Variants in KHDC1 observed in about 807,000 individuals in gnomAD.
KHDC1 encodes KH domain containing 1.
In KHDC1, 21 loss-of-function variants were observed where a neutral mutation model predicts 24.7. The observed-to-expected ratio is 0.85, with a 90% CI of 0.60 to 1.23. The LOEUF is 1.23. Ranked by LOEUF, KHDC1 falls within the 50% of genes most tolerant of loss-of-function variation. The pLI, the probability that KHDC1 is intolerant of heterozygous loss-of-function variation, is 0.00. For missense variants in KHDC1, 274 were observed against 298.5 expected (o/e 0.92, Z 0.61); for synonymous variants, 98 against 111.7 (o/e 0.88, Z 0.77).
intron 1 of KHDC1, among the ~76,000 whole-genome samples, chr6:73,295,330 G>A (rs471938): frequency 6.6e-6 from 1 of 152,056 alleles, no homozygotes; most frequent in African/African-American, 2.4e-5. Flanking sequence ...CTGCAGACTC[G>A]AGAGCCAATT....
chr6:73,292,177 G>C (rs1450343305), intron 1 of KHDC1: 3 of 1,519,338 alleles, frequency 2.0e-6, no homozygotes, highest in Non-Finnish European at 2.7e-6. Flanking sequence ...CTTTGAAAGA[G>C]AATAGAACCA....
chr6:73,281,617 CAAAA>C (rs58163019), intron 2 of KHDC1, among the ~76,000 whole-genome samples: 21,723 of 93,632 alleles, frequency 0.23, 2,221 homozygotes, highest in East Asian at 0.39. Context: ...AACTTCGTCT[CAAAA>C]AAAAAAAAAA....
At chr6:73,294,629 T>G (rs1301358304) in intron 1 of KHDC1, among the ~76,000 whole-genome samples, 1 of 152,212 alleles carries the variant, frequency 6.6e-6, no homozygotes, top group African/African-American at 2.4e-5. Context: ...CCTAGCAACA[T>G]GCCACTCATC....
chr6:73,293,561 C>G (rs575254759), intron 1 of KHDC1, among the ~76,000 whole-genome samples: 1 of 152,296 alleles, frequency 6.6e-6, no homozygotes, highest in South Asian at 2.1e-4. Context: ...AGGCAGATCT[C>G]TTGAGGCCAG....
intron 1 of KHDC1, among the ~76,000 whole-genome samples, chr6:73,306,909 T>C (rs1158705276): frequency 6.6e-6 from 1 of 152,048 alleles, no homozygotes; most frequent in Admixed American, 6.6e-5. Context: ...CTCAGGAGAC[T>C]GAGGCAGGAG....
In KHDC1 at chr6:73,296,127, G is replaced by T. The variant is rs1028184223; in HGVS notation, c.164-4087C>A. 4.0e-5 allele frequency among the ~76,000 whole-genome samples: 6 copies of T among 151,782 alleles called. No homozygotes were observed. The East Asian group carries it at 1.2e-3, about 29-fold the overall frequency. On this transcript the variant is annotated intron_variant, in intron 1 of 4. Transcript: ENST00000370384. ...ACTGCACTCCAGCCTGGGTGATAGA[G>T]TGAGACTGCATTTCAAAAAACTAAA...
chr6:73,242,485 C>T, exon 3 of KHDC1: 1 of 1,614,190 alleles, frequency 6.2e-7, no homozygotes, highest in Non-Finnish European at 8.5e-7. Flanking sequence ...TCCACCACGG[C>T]TTCTTGCTGA....
chr6:73,246,975 T>C (rs1240822007), intron 2 of KHDC1, among the ~76,000 whole-genome samples: 5 of 150,938 alleles, frequency 3.3e-5, no homozygotes, highest in Non-Finnish European at 7.4e-5. Context: ...TAAGTCAACT[T>C]TTTTTTTTCT....
chr6:73,244,198 A>G (rs1304249070), intron 2 of KHDC1, among the ~76,000 whole-genome samples: 1 of 152,238 alleles, frequency 6.6e-6, no homozygotes, highest in Non-Finnish European at 1.5e-5. Flanking sequence ...ATAAGTTTGT[A>G]TAATGATCAG....
intron 2 of KHDC1, among the ~76,000 whole-genome samples, chr6:73,284,892 T>G (rs537445811): frequency 6.6e-6 from 1 of 152,300 alleles, no homozygotes; most frequent in East Asian, 1.9e-4. Flanking sequence ...TCACCCAGGC[T>G]GGAATGCAGT....
chr6:73,282,404 G>C (rs1332165593), intron 2 of KHDC1, among the ~76,000 whole-genome samples: 1 of 152,004 alleles, frequency 6.6e-6, no homozygotes, highest in African/African-American at 2.4e-5. Flanking sequence ...ACTCCATCTT[G>C]CTTCTAACCT....
intron 2 of KHDC1, among the ~76,000 whole-genome samples, chr6:73,256,265 C>T (rs989898646): frequency 2.0e-5 from 3 of 152,104 alleles, no homozygotes; most frequent in South Asian, 2.1e-4. Context: ...TGTGCTAGGC[C>T]TCAGGGGCAT....
chr6:73,267,127 G>C (rs142824032), intron 2 of KHDC1, among the ~76,000 whole-genome samples: 5 of 152,168 alleles, frequency 3.3e-5, no homozygotes, highest in African/African-American at 1.2e-4. Context: ...TAGTCATTAG[G>C]GAAATGCAGA....
rs1242477557 is a variant in KHDC1 at position 73,241,647 on chromosome 6, G to A, written c.596C>T (p.Thr199Ile). The change falls in exon 5 of 5, where the codon ACT becomes ATT. Residue 199 changes from threonine (T) to isoleucine (I), a missense_variant. Coordinates refer to ENST00000370384, the Ensembl canonical transcript of KHDC1. ...CCTGGGAGCCAAAGACAGGTCTCCA[G>A]TGTATGGTGGCACACTAATGGAGGT... The A allele has an allele frequency of 6.2e-7, 1 of 1,614,192 alleles. No homozygotes were observed. Among genetic ancestry groups the A allele is most frequent in the Admixed American group, 1.7e-5 (1 of 60,030 alleles).
intron 2 of KHDC1, among the ~76,000 whole-genome samples, chr6:73,288,285 G>A (rs1418623934): frequency 6.6e-6 from 1 of 152,206 alleles, no homozygotes; most frequent in Admixed American, 6.5e-5. Context: ...CTGATCTGGA[G>A]AAGTAAGTAT....
In KHDC1 at chr6:73,309,640, G is replaced by A. The variant is rs1020096453; in HGVS notation, c.75C>T (p.Ile25=). Residue 25 remains isoleucine (I), a synonymous_variant, in exon 1 of 5, where the codon ATC becomes ATT. Coordinates refer to ENST00000370384, the Ensembl canonical transcript of KHDC1. Reference sequence around the variant, plus strand: ...GGAGAAAGGGCCATCCATAAATGAAGATCAGGACTCCGTATTCTGAGACTG... The same window carrying A: ...GGAGAAAGGGCCATCCATAAATGAAAATCAGGACTCCGTATTCTGAGACTG... The A allele has an allele frequency of 5.8e-6, 9 of 1,549,952 alleles. No homozygotes were observed. The Admixed American group carries it at 1.4e-4, about 24-fold the overall frequency.
At chr6:73,287,784 T>C (rs557018464) in intron 2 of KHDC1, among the ~76,000 whole-genome samples, 4 of 152,270 alleles carry the variant, frequency 2.6e-5, no homozygotes, top group Non-Finnish European at 5.9e-5. Flanking sequence ...GGAGGACATA[T>C]GGGGTCAAGT....
At chr6:73,257,394 G>C (rs1766898394) in intron 2 of KHDC1, among the ~76,000 whole-genome samples, 1 of 152,100 alleles carries the variant, frequency 6.6e-6, no homozygotes, top group Non-Finnish European at 1.5e-5. Flanking sequence ...CTCATGGTTG[G>C]GAATTTTTGT....
intron 2 of KHDC1, among the ~76,000 whole-genome samples, chr6:73,284,885 C>T (rs917739668): frequency 6.6e-6 from 1 of 152,026 alleles, no homozygotes; most frequent in African/African-American, 2.4e-5. Flanking sequence ...GCTCTTGTCA[C>T]CCAGGCTGGA....
Sources: gnomAD v4.1 joint callset for allele counts (sites outside exome capture counted in the v4.1 genomes callset) on GRCh38, gnomAD v4.1.1 for gene constraint, MANE v1.5 for transcripts, NCBI Gene and HGNC (gene_info 2026-07-23, HGNC 2026-07-21) for gene names.